Variants in GRID2 observed in about 807,000 individuals in gnomAD.
GRID2 encodes the protein glutamate ionotropic receptor delta type subunit 2, also known as glutamate receptor ionotropic, delta-2.
A neutral mutation model predicts 114.8 loss-of-function variants in GRID2; 33 were observed. The observed-to-expected ratio is 0.29, with a 90% CI of 0.22 to 0.38. The LOEUF is 0.38. GRID2 is among the 10% of genes least tolerant of loss of function. The probability of loss-of-function intolerance (pLI) is 1.00; values close to 1 mark genes in which losing one functional copy is unlikely to be tolerated. For missense variants in GRID2, 1,184 were observed against 1,257.7 expected (o/e 0.94, Z 0.89); for synonymous variants, 505 against 449.9 (o/e 1.12, Z -1.55).
chr4:92,924,246 T>G (rs1560706771), intron 2 of GRID2, among the ~76,000 whole-genome samples: 1 of 152,012 alleles, frequency 6.6e-6, no homozygotes. Flanking sequence ...CTGGGGACTG[T>G]TGTGTGTTGG....
chr4:93,117,078 T>C (rs1021100153), intron 4 of GRID2, among the ~76,000 whole-genome samples: 3 of 152,182 alleles, frequency 2.0e-5, no homozygotes, highest in Non-Finnish European at 1.5e-5. Flanking sequence ...TGATGAATAA[T>C]GTGGCTAATT....
At chr4:92,358,546 A>G (rs561673928) in intron 1 of GRID2, among the ~76,000 whole-genome samples, 1 of 152,046 alleles carries the variant, frequency 6.6e-6, no homozygotes, top group South Asian at 2.1e-4. Context: ...TAGAGATAAC[A>G]TTGGGAACTT....
chr4:92,323,105 T>A (rs926490894), intron 1 of GRID2, among the ~76,000 whole-genome samples: 18 of 152,092 alleles, frequency 1.2e-4, no homozygotes, highest in Non-Finnish European at 2.5e-4. Flanking sequence ...TACTGTTTTT[T>A]AAAAATGTAA....
rs566017169 is a variant in GRID2 at position 92,887,619 on chromosome 4, A to G, written c.245-197376A>G. Among the ~76,000 whole-genome samples the G allele has an allele frequency of 6.0e-4, 91 of 152,328 alleles. 3 individuals carry two copies. The South Asian group carries it at 0.013, about 22-fold the overall frequency. On this transcript the variant is annotated intron_variant, in intron 2 of 15. Transcript: ENST00000282020. ...TTTCATATCATGGTGTCATCATTAG[A>G]TAATGGTGCTAGGACCAGGTCTACT...
chr4:93,769,314 A>G lies in GRID2; in HGVS notation c.2465A>G (p.Lys822Arg), dbSNP rs1372830991. ...DLYSSVDTKQ[K>R]GGALDIKSFA... is the part of the protein sequence containing the mutation. ...TACTCGTCAGTGGACACAAAGCAGA[A>G]AGGAGGCGCCCTGGACATAAAGAGC... is the stretch of plus-strand genomic sequence containing the variant. The change falls in exon 15 of 16, where the codon AAA (lysine) becomes AGA (arginine). Residue 822 changes from lysine to arginine, a missense_variant. By Grantham distance (26) the Lys-to-Arg change is conservative. Around this residue, in one of 3 missense-constraint regions of GRID2, gnomAD observed 717 missense variants for 796.9 expected, o/e 0.90. Transcript: ENST00000282020. 1 of 1,614,132 alleles carries G rather than the reference A, an allele frequency of 6.2e-7. No homozygotes were observed. Among genetic ancestry groups the G allele is most frequent in the Non-Finnish European group, 8.5e-7 (1 of 1,179,996 alleles).
intron 4 of GRID2, among the ~76,000 whole-genome samples, chr4:93,128,021 C>G (rs1158975028): frequency 1.4e-4 from 14 of 100,124 alleles, no homozygotes; most frequent in African/African-American, 6.8e-4. Flanking sequence ...ACCTTGTCCC[C>G]CGCAACAAAA....
intron 1 of GRID2, among the ~76,000 whole-genome samples, chr4:92,391,813 T>C (rs1340250487): frequency 6.6e-6 from 1 of 152,164 alleles, no homozygotes. Flanking sequence ...TAATAGCAAG[T>C]TGAGTAGCCA....
chr4:92,993,598 A>G (rs1393059334), intron 2 of GRID2, among the ~76,000 whole-genome samples: 1 of 152,226 alleles, frequency 6.6e-6, no homozygotes, highest in East Asian at 1.9e-4. Flanking sequence ...TAGTCATGAT[A>G]CTGTGTTCTT....
chr4:92,353,592 G>T (rs1034198578), intron 1 of GRID2, among the ~76,000 whole-genome samples: 1 of 151,930 alleles, frequency 6.6e-6, no homozygotes, highest in East Asian at 1.9e-4. Context: ...TGAAGTCTCT[G>T]TTCCTTAGCT....
At chr4:92,479,903 C>A (rs879519806) in intron 1 of GRID2, among the ~76,000 whole-genome samples, 1 of 151,952 alleles carries the variant, frequency 6.6e-6, no homozygotes, top group Non-Finnish European at 1.5e-5. Flanking sequence ...ATAGAATATT[C>A]AAATAAATAT....
At chr4:92,990,047 A>T (rs1322262832) in intron 2 of GRID2, among the ~76,000 whole-genome samples, 3 of 152,172 alleles carry the variant, frequency 2.0e-5, no homozygotes, top group Non-Finnish European at 4.4e-5. Flanking sequence ...AAATACTTTC[A>T]CAGTAATCAA....
In GRID2 at chr4:92,814,749, C is replaced by A. The variant is rs112802947; in HGVS notation, c.244+224463C>A. 6.5e-3 allele frequency among the ~76,000 whole-genome samples: 995 copies of A among 152,174 alleles called. 18 individuals carry two copies. The highest frequency in any genetic ancestry group is 0.022 in the African/African-American group (933 of 41,534). On this transcript the variant is annotated intron_variant, in intron 2 of 15. Transcript: ENST00000282020. ...GCAACTTAAGGGGGTGTGGAAGATG[C>A]CATCCACAGGAAGTGCTGGGCTTCG...
At chr4:92,909,225 C>T (rs181612023) in intron 2 of GRID2, among the ~76,000 whole-genome samples, 1 of 150,708 alleles carries the variant, frequency 6.6e-6, no homozygotes, top group East Asian at 2.0e-4. Flanking sequence ...TCTACACTAT[C>T]ATAGAACTGT....
intron 11 of GRID2, among the ~76,000 whole-genome samples, chr4:93,464,517 C>T (rs1456099319): frequency 6.6e-6 from 1 of 152,068 alleles, no homozygotes; most frequent in Non-Finnish European, 1.5e-5. Flanking sequence ...GTCATAAAGT[C>T]CTTGTGACAT....
At chr4:93,544,367 T>C (rs1732984847) in intron 13 of GRID2, among the ~76,000 whole-genome samples, 1 of 152,150 alleles carries the variant, frequency 6.6e-6, no homozygotes, top group Non-Finnish European at 1.5e-5. Context: ...CACCACAAAT[T>C]ATACATCATG....
intron 2 of GRID2, among the ~76,000 whole-genome samples, chr4:92,646,445 T>C (rs563383486): frequency 9.1e-4 from 139 of 152,284 alleles, no homozygotes; most frequent in Non-Finnish European, 1.8e-4. Flanking sequence ...TATTAATATT[T>C]TTTCTTGTTC....
At chr4:93,676,628 T>C (rs1363591569) in intron 14 of GRID2, among the ~76,000 whole-genome samples, 1 of 150,776 alleles carries the variant, frequency 6.6e-6, no homozygotes, top group East Asian at 2.0e-4. Flanking sequence ...ACTTTGAAAA[T>C]AAAAACACCT....
At chr4:93,749,386 G>A (rs1401078653) in intron 14 of GRID2, among the ~76,000 whole-genome samples, 19 of 152,132 alleles carry the variant, frequency 1.2e-4, no homozygotes, top group Admixed American at 1.1e-3. Context: ...GTGTTGCTGG[G>A]ATGACTCTTC....
intron 1 of GRID2, among the ~76,000 whole-genome samples, chr4:92,397,423 C>T (rs1167353731): frequency 1.3e-5 from 2 of 149,630 alleles, no homozygotes; most frequent in Non-Finnish European, 3.0e-5. Context: ...AGGAGTTAGG[C>T]TGTTAACCAA....
Sources: gnomAD v4.1 joint callset for allele counts (sites outside exome capture counted in the v4.1 genomes callset) on GRCh38, gnomAD v4.1.1 for gene constraint, gnomAD v4.1.1 regional missense constraint, MANE v1.5 for transcripts, NCBI Gene and HGNC (gene_info 2026-07-23, HGNC 2026-07-21) for gene names.